EIF2AK4: variants seen among roughly 807,000 people sequenced by gnomAD.
The protein encoded by EIF2AK4 is eukaryotic translation initiation factor 2 alpha kinase 4.
A neutral mutation model predicts 211.1 loss-of-function variants in EIF2AK4; 139 were observed. The observed-to-expected ratio is 0.66, with a 90% CI of 0.57 to 0.76. The LOEUF (loss-of-function observed/expected upper bound fraction) is 0.76. Among genes scored for constraint, EIF2AK4 ranks in the 30% least tolerant of loss-of-function variants. The pLI is 0.00. For missense variants in EIF2AK4, 1,664 were observed against 2,043.8 expected, an observed-to-expected ratio of 0.81 and a Z score of 3.58; for synonymous variants, 710 against 751.3, an observed-to-expected ratio of 0.94 and a Z score of 0.90.
chr15:39,953,055 C>T (rs2917838), intron 4 of EIF2AK4, among the ~76,000 whole-genome samples: 2,125 of 152,156 alleles, frequency 0.014, 50 homozygotes, highest in African/African-American at 0.049. Context: ...GCCACATTGG[C>T]CAGGCTGGTC....
At chr15:39,988,913 A>G (rs904445946) in intron 15 of EIF2AK4, among the ~76,000 whole-genome samples, 10 of 152,222 alleles carry the variant, frequency 6.6e-5, no homozygotes, top group Admixed American at 4.6e-4. Context: ...AGGCAGGAGA[A>G]TCACTTGAAC....
chr15:40,029,966 C>T (rs2412473), intron 34 of EIF2AK4, among the ~76,000 whole-genome samples: 20,192 of 152,208 alleles, frequency 0.13, 2,096 homozygotes, highest in East Asian at 0.38. Context: ...AGAATTGAGT[C>T]TTTCCCATTC....
chr15:40,032,581 TATTA>T (rs1188215059), intron 36 of EIF2AK4, among the ~76,000 whole-genome samples, 172 bp from the exon 37 acceptor site: 1 of 152,170 alleles, frequency 6.6e-6, no homozygotes, highest in Non-Finnish European at 1.5e-5. Context: ...TTCCACTGCT[TATTA>T]ATTCTCCAGG....
rs766839346 is a variant in EIF2AK4, at chr15:39,976,422, C to T, written c.1827C>T (p.Asn609=). ...GAFGAVIKVQ[N]KLDGCCYAVK... ...CCCTGGCTGTGCCGCAGGTGCAGAA[C>T]AAGTTGGACGGCTGCTGCTACGCAG... is the stretch of plus-strand genomic sequence containing the variant. The change falls in exon 12 of 39, where the codon AAC becomes AAT. Residue 609 remains asparagine, a synonymous_variant. Transcript: ENST00000263791. 1 of 1,599,770 alleles carries T rather than the reference C, an allele frequency of 6.3e-7. No individual in the cohort carries two copies. The highest frequency in any genetic ancestry group is 1.7e-5 in the Admixed American group (1 of 58,510).
At chr15:39,958,191 T>G (rs2034418260) in intron 6 of EIF2AK4, among the ~76,000 whole-genome samples, 1 of 152,206 alleles carries the variant, frequency 6.6e-6, no homozygotes, top group Non-Finnish European at 1.5e-5. Flanking sequence ...GGGATGTTGC[T>G]CCTCATAAGT....
intron 1 of EIF2AK4, among the ~76,000 whole-genome samples, chr15:39,936,965 G>C (rs1266441037): frequency 2.0e-5 from 3 of 151,994 alleles, no homozygotes; most frequent in African/African-American, 7.2e-5. Context: ...ACTTCTTTTA[G>C]TGGGGATGTG....
chr15:40,032,005 C>G (rs1473481579), intron 35 of EIF2AK4, among the ~76,000 whole-genome samples, 164 bp from the exon 36 acceptor site: 2 of 152,244 alleles, frequency 1.3e-5, no homozygotes, highest in Non-Finnish European at 2.9e-5. Context: ...GGATTACGGG[C>G]ATGAGCCATC....
Position 40,000,976 on chromosome 15 carries a change from G to T in EIF2AK4, c.2923-12G>T. On this transcript the variant is annotated splice_polypyrimidine_tract_variant and intron_variant, in intron 20 of 38. Transcript: ENST00000263791. ...TGCATCCCATTAGCAGTGTGCCTGG[G>T]TTTTATTGTAGAAATCAGTCATCTC... The T allele has an allele frequency of 6.2e-7, 1 of 1,613,964 alleles. No homozygotes were observed.
intron 33 of EIF2AK4, among the ~76,000 whole-genome samples, chr15:40,028,909 A>G (rs1273738804): frequency 6.6e-6 from 1 of 152,232 alleles, no homozygotes; most frequent in Non-Finnish European, 1.5e-5. Flanking sequence ...CCCAAGATAG[A>G]GTGCTGTTGT....
At chr15:40,002,660 A>G in intron 21 of EIF2AK4, 53 bp from the exon 22 acceptor site, 1 of 1,583,316 alleles carries the variant, frequency 6.3e-7, no homozygotes, top group East Asian at 2.2e-5. Flanking sequence ...AATATTTTAA[A>G]GGATCCCTTT....
intron 11 of EIF2AK4, among the ~76,000 whole-genome samples, chr15:39,975,854 GA>G (rs1372974906): frequency 1.3e-5 from 2 of 152,222 alleles, no homozygotes; most frequent in African/African-American, 4.8e-5. Context: ...TGGGGTAGTG[GA>G]AATGGTATAA....
chr15:39,949,672 T>C (rs1035841938), intron 4 of EIF2AK4, among the ~76,000 whole-genome samples: 7 of 152,332 alleles, frequency 4.6e-5, no homozygotes, highest in African/African-American at 1.7e-4. Flanking sequence ...TAGATGTATA[T>C]ATTATCTTTG....
At chr15:39,966,239 G>A (rs1490768919) in intron 8 of EIF2AK4, among the ~76,000 whole-genome samples, 3 of 152,146 alleles carry the variant, frequency 2.0e-5, no homozygotes, top group Admixed American at 1.3e-4. Context: ...GGAGGCCAAG[G>A]TAGGAGGACT....
In EIF2AK4 at chr15:40,020,954, C is replaced by G. The variant is rs1169318021; in HGVS notation, c.4229C>G (p.Ser1410Cys). 1 of 1,613,594 alleles carries G rather than the reference C, an allele frequency of 6.2e-7. No individual in the cohort carries two copies. Among genetic ancestry groups the G allele is most frequent in the Non-Finnish European group, 8.5e-7 (1 of 1,179,796 alleles). Residue 1410 changes from serine (S) to cysteine (C), a missense_variant, in exon 31 of 39, where the codon TCC becomes TGC. Coordinates refer to ENST00000263791, the MANE Select transcript of EIF2AK4 (RefSeq NM_001013703.4). Reference protein sequence around the residue: ...LVVSVGQMSMSRAINLTQKLW... With the variant: ...LVVSVGQMSMCRAINLTQKLW... ...GTAAGTGTTGGCCAGATGTCTATGT[C>G]CAGGGCCATCAACCTAACCCAGAAA... is the stretch of plus-strand genomic sequence containing the variant.
intron 11 of EIF2AK4, among the ~76,000 whole-genome samples, chr15:39,975,651 C>G (rs2034683888): frequency 6.6e-6 from 1 of 152,208 alleles, no homozygotes; most frequent in East Asian, 1.9e-4. Context: ...GAGGACTTGC[C>G]TTTGCAACGT....
chr15:39,993,081 C>T (rs986840633), intron 18 of EIF2AK4, among the ~76,000 whole-genome samples: 3 of 149,864 alleles, frequency 2.0e-5, no homozygotes, highest in African/African-American at 7.4e-5. Flanking sequence ...TCCATTCATC[C>T]ATCCATCCAT....
intron 31 of EIF2AK4, 175 bp from the exon 32 acceptor site, chr15:40,022,339 CTTGTT>C: frequency 1.8e-6 from 1 of 557,328 alleles, no homozygotes; most frequent in Non-Finnish European, 3.1e-6. Context: ...CAAGAGAGGC[CTTGTT>C]CCTCCCTTGA....
intron 34 of EIF2AK4, 33 bp from the exon 35 acceptor site, chr15:40,030,326 A>G (rs1392926634): frequency 2.5e-6 from 4 of 1,600,180 alleles, no homozygotes; most frequent in African/African-American, 2.7e-5. Context: ...GGACCAGATA[A>G]GGCCATAAAT....
At chr15:39,958,529 G>T (rs1247962030) in intron 6 of EIF2AK4, among the ~76,000 whole-genome samples, 3 of 152,156 alleles carry the variant, frequency 2.0e-5, no homozygotes, top group Non-Finnish European at 4.4e-5. Context: ...TAAAGGTGTA[G>T]GGGAGAGAGG....
Sources: gnomAD v4.1 joint callset for allele counts (sites outside exome capture counted in the v4.1 genomes callset) on GRCh38, gnomAD v4.1.1 for gene constraint, MANE v1.5 for transcripts, NCBI Gene and HGNC (gene_info 2026-07-23, HGNC 2026-07-21) for gene names.